DPY19L3: variants seen among roughly 807,000 people sequenced by gnomAD.
DPY19L3 encodes the protein dpy-19 like C-mannosyltransferase 3, also known as protein C-mannosyl-transferase DPY19L3.
Under a neutral mutation model 92.3 loss-of-function variants are expected in DPY19L3, and 51 were observed. The ratio of observed to expected loss-of-function variants is 0.55; its 90% CI spans 0.44 to 0.70. The LOEUF (loss-of-function observed/expected upper bound fraction) is 0.70, where lower values mean the gene tolerates loss of function less well. Among genes scored for constraint, DPY19L3 ranks in the 30% least tolerant of loss-of-function variants. The probability of loss-of-function intolerance (pLI) is 0.00; values close to 1 mark genes in which losing one functional copy is unlikely to be tolerated. For synonymous variants in DPY19L3, 309 were observed against 315.2 expected (o/e 0.98, Z 0.21); for missense variants, 706 against 855.9 (o/e 0.82, Z 2.18).
At chr19:32,412,846 CT>C (rs1272317780) in intron 3 of DPY19L3, 1 of 152,106 alleles carries the variant, frequency 6.6e-6, no homozygotes, top group Non-Finnish European at 1.5e-5. Flanking sequence ...ACAAGAATCA[CT>C]TGAACTCGGG....
Position 32,458,431 on chromosome 19 carries a change from C to A in DPY19L3, c.1244C>A (p.Thr415Asn), listed in dbSNP as rs1208062101. ...PFNTFGRLSD[T>N]LLFYAYIFVL... ...AATACATTTGGAAGGCTTTCAGATA[C>A]TCTGCTTTTTTATGCTTACATATTC... The change falls in exon 12 of 19, where the codon ACT (threonine) becomes AAT (asparagine). Residue 415 changes from threonine (T) to asparagine (N), a missense_variant. Physicochemically the swap from Thr to Asn is moderately conservative, Grantham distance 65. Transcript: ENST00000392250. The A allele has an allele frequency of 6.2e-7, 1 of 1,613,752 alleles. No homozygotes were observed. The highest frequency in any genetic ancestry group is 8.5e-7 in the Non-Finnish European group (1 of 1,179,974).
At chr19:32,442,976 A>C (rs1235060973) in intron 8 of DPY19L3, among the ~76,000 whole-genome samples, 3 of 151,996 alleles carry the variant, frequency 2.0e-5, no homozygotes, top group Non-Finnish European at 2.9e-5. Context: ...TTGGACTTCA[A>C]CTCTCACTCA....
chr19:32,470,689 CTCGTT>C (rs1356037769), intron 16 of DPY19L3, among the ~76,000 whole-genome samples: 1 of 151,650 alleles, frequency 6.6e-6, no homozygotes, highest in East Asian at 1.9e-4. Flanking sequence ...TCCTATTTCC[CTCGTT>C]TGGGAGGTGA....
chr19:32,433,276 A>G (rs1240867345), intron 4 of DPY19L3, among the ~76,000 whole-genome samples: 5 of 152,110 alleles, frequency 3.3e-5, no homozygotes, highest in African/African-American at 1.2e-4. Flanking sequence ...ACTCCATCTA[A>G]TGAAAGCCCC....
chr19:32,461,856 A>C (rs1970050564), intron 12 of DPY19L3, among the ~76,000 whole-genome samples: 3 of 152,204 alleles, frequency 2.0e-5, no homozygotes, highest in Admixed American at 2.0e-4. Context: ...GTCACTGATC[A>C]GTCTTAACAT....
chr19:32,422,632 AC>A (rs1968612607), intron 3 of DPY19L3, among the ~76,000 whole-genome samples: 2 of 131,126 alleles, frequency 1.5e-5, no homozygotes, highest in Middle Eastern at 4.2e-3. Flanking sequence ...CAGGAAAAAC[AC>A]ACACACACAC....
Position 32,439,889 on chromosome 19 carries a change from G to T in DPY19L3, c.834G>T (p.Leu278=), listed in dbSNP as rs1969268764. 6.2e-7 allele frequency: 1 copy of T among 1,613,050 alleles called. No individual in the cohort carries two copies. Among genetic ancestry groups the T allele is most frequent in the Non-Finnish European group, 8.5e-7 (1 of 1,179,646 alleles). Residue 278 remains leucine (L), a synonymous_variant, in exon 8 of 19, where the codon CTG becomes CTT. Transcript: ENST00000392250. ...QALVLFTLDS[L]DMLPAVKATW... is the part of the protein sequence containing the mutation. Reference sequence around the variant, plus strand: ...TAGTGCTGTTCACACTGGACTCCCTGGACATGCTGCCAGCAGTGAAGGTGA... The same window carrying T: ...TAGTGCTGTTCACACTGGACTCCCTTGACATGCTGCCAGCAGTGAAGGTGA...
chr19:32,443,026 T>C lies in DPY19L3; in HGVS notation c.855+3116T>C, dbSNP rs533895043. On this transcript the variant is annotated intron_variant, in intron 8 of 18. Coordinates refer to ENST00000392250, the MANE Select transcript of DPY19L3 (RefSeq NM_001172774.2). ...TCCTGTCCCCTCTCTATCAGGATGGTGTCAGAGAAGGTCAACAGGGAGGTT... is the reference window on the plus strand; with the variant it reads ...TCCTGTCCCCTCTCTATCAGGATGGCGTCAGAGAAGGTCAACAGGGAGGTT... Among the ~76,000 whole-genome samples, 14 of 152,314 alleles carry C rather than the reference T, an allele frequency of 9.2e-5. No homozygotes were observed. The South Asian group carries it at 2.7e-3, about 29-fold the overall frequency.
chr19:32,412,001 TG>T (rs1968200430), intron 3 of DPY19L3: 1 of 152,236 alleles, frequency 6.6e-6, no homozygotes, highest in African/African-American at 2.4e-5. Context: ...CTAAGCTTCC[TG>T]TGTCACTGGG....
Position 32,482,432 on chromosome 19 carries a change from G to A in DPY19L3, c.*192G>A. 1 of 606,920 alleles carries A rather than the reference G, an allele frequency of 1.6e-6. No individual in the cohort carries two copies. Among genetic ancestry groups the A allele is most frequent in the Non-Finnish European group, 2.8e-6 (1 of 360,424 alleles). The allele number at this position is 606,920 out of a possible 1,614,324, so 37.6% of individuals were successfully genotyped here. On this transcript the variant is annotated 3_prime_UTR_variant, in exon 19 of 19. Coordinates refer to ENST00000392250, the MANE Select transcript of DPY19L3 (RefSeq NM_001172774.2). ...TACAAGCAGAAGTCTTTTTCGTTGTGTGTCTATCTTTCTCATTAATGTTCT... is the reference window on the plus strand; with the variant it reads ...TACAAGCAGAAGTCTTTTTCGTTGTATGTCTATCTTTCTCATTAATGTTCT...
rs1568338892 is a variant in DPY19L3, at chr19:32,439,826, A to G, written c.771A>G (p.Thr257=). Residue 257 remains threonine (T), a synonymous_variant, in exon 8 of 19, where the codon ACA becomes ACG. Coordinates refer to ENST00000392250, the MANE Select transcript of DPY19L3 (RefSeq NM_001172774.2). ...IFISTFLFSL[T]WQFNQFMMLM... The stretch of plus-strand genomic sequence containing the variant: ...TATCAACTTTTCTCTTTAGTCTGAC[A>G]TGGCAATTTAATCAATTTATGATGC... 7 of 1,613,948 alleles carry G rather than the reference A, an allele frequency of 4.3e-6. No individual in the cohort carries two copies. Among genetic ancestry groups the G allele is most frequent in the Non-Finnish European group, 5.9e-6 (7 of 1,179,848 alleles).
intron 12 of DPY19L3, among the ~76,000 whole-genome samples, chr19:32,460,844 C>CTTGTTTTGTTTTGTTTTGTTTTGTT (rs59020860): frequency 8.8e-5 from 13 of 148,266 alleles, no homozygotes; most frequent in African/African-American, 2.0e-4. Flanking sequence ...GATACTATGA[C>CTTGTTTTGTTTTGTTTTGTTTTGTT]TTGTTTTGTT....
At chr19:32,461,288 G>T (rs946712314) in intron 12 of DPY19L3, among the ~76,000 whole-genome samples, 26 of 152,262 alleles carry the variant, frequency 1.7e-4, no homozygotes, top group Admixed American at 1.5e-3. Flanking sequence ...ACTGCACCCT[G>T]CCAGATACTA....
chr19:32,476,621 A>T (rs1044674050), intron 16 of DPY19L3, among the ~76,000 whole-genome samples: 1 of 151,054 alleles, frequency 6.6e-6, no homozygotes, highest in Admixed American at 6.6e-5. Context: ...CTTTTCCTAT[A>T]TTCTGGGAGT....
chr19:32,470,063 A>G (rs945741862), intron 16 of DPY19L3, among the ~76,000 whole-genome samples: 3 of 152,222 alleles, frequency 2.0e-5, no homozygotes, highest in Admixed American at 6.5e-5. Context: ...AGGGCAACGC[A>G]TGGATCTCAT....
In DPY19L3 at chr19:32,458,526, AAATCT is replaced by A. The variant is rs1185979670; in HGVS notation, c.1322+21_1322+25del. The A allele has an allele frequency of 6.3e-7, 1 of 1,594,030 alleles. No individual in the cohort carries two copies. The highest frequency in any genetic ancestry group is 8.5e-7 in the Non-Finnish European group (1 of 1,174,220). On this transcript the variant is annotated intron_variant, in intron 12 of 18. Transcript: ENST00000392250. ...TAATCTCAGGTATGGTATATTTCAGAAATCTAATGCTCTCCTTTAATGAACTTGTT... is the reference window on the plus strand; with the variant it reads ...TAATCTCAGGTATGGTATATTTCAGAAATGCTCTCCTTTAATGAACTTGTT...
intron 3 of DPY19L3, among the ~76,000 whole-genome samples, chr19:32,421,164 T>C (rs920155300): frequency 1.3e-5 from 2 of 152,246 alleles, no homozygotes; most frequent in African/African-American, 2.4e-5. Flanking sequence ...TTGTTTATAA[T>C]AGTACAGTTA....
At chr19:32,424,281 C>T (rs997335898) in intron 3 of DPY19L3, among the ~76,000 whole-genome samples, 2 of 150,076 alleles carry the variant, frequency 1.3e-5, no homozygotes, top group Non-Finnish European at 3.0e-5. Flanking sequence ...GATCACACCA[C>T]TGCACTCCGG....
Position 32,408,223 on chromosome 19 carries a change from T to C in DPY19L3, c.-31T>C. ...CCTGTTTATTGCTATCTAGGAGTGA[T>C]TTGGAGAACAATGCATGTAAGTCTG... On this transcript the variant is annotated 5_prime_UTR_variant, in exon 2 of 19. Coordinates refer to ENST00000392250, the MANE Select transcript of DPY19L3 (RefSeq NM_001172774.2). 2 of 1,529,922 alleles carry C rather than the reference T, an allele frequency of 1.3e-6. No homozygotes were observed. Among genetic ancestry groups the C allele is most frequent in the Non-Finnish European group, 1.8e-6 (2 of 1,107,840 alleles). 94.8% of individuals were successfully genotyped at this position (1,529,922 alleles called of 1,614,324 possible).
Sources: gnomAD v4.1 joint callset for allele counts (sites outside exome capture counted in the v4.1 genomes callset) on GRCh38, gnomAD v4.1.1 for gene constraint, MANE v1.5 for transcripts, NCBI Gene and HGNC (gene_info 2026-07-23, HGNC 2026-07-21) for gene names.